KATNAL1: variants seen among roughly 807,000 people sequenced by gnomAD.
The protein encoded by KATNAL1 is katanin catalytic subunit A1 like 1, also known as katanin p60 ATPase-containing subunit A-like 1.
KATNAL1 carries 32 observed loss-of-function variants against 55.2 expected under a neutral mutation model. The observed-to-expected ratio is 0.58, with a 90% CI of 0.44 to 0.78. The LOEUF (loss-of-function observed/expected upper bound fraction) is 0.78. KATNAL1 is among the 30% of genes least tolerant of loss of function. KATNAL1 has a pLI of 0.00. For missense variants in KATNAL1, 466 were observed against 600.9 expected (o/e 0.78, Z 2.35); for synonymous variants, 193 against 193.6 (o/e 1.00, Z 0.02).
chr13:30,269,614 C>T, intron 3 of KATNAL1, among the ~76,000 whole-genome samples: 1 of 151,600 alleles, frequency 6.6e-6, no homozygotes, highest in Admixed American at 6.6e-5. Flanking sequence ...GCCATCCCAT[C>T]TAGGAAGTGA....
chr13:30,228,245 AC>A (rs1457100590), intron 8 of KATNAL1, among the ~76,000 whole-genome samples: 3 of 152,198 alleles, frequency 2.0e-5, no homozygotes, highest in Admixed American at 6.5e-5. Flanking sequence ...AGATAAAAAA[AC>A]CCCATAAACT....
intron 4 of KATNAL1, among the ~76,000 whole-genome samples, chr13:30,254,447 A>G (rs1201904758): frequency 1.3e-5 from 2 of 152,212 alleles, no homozygotes; most frequent in African/African-American, 4.8e-5. Context: ...GGGAGGTAGA[A>G]TATGTCTTTG....
Position 30,283,787 on chromosome 13 carries a change from G to C in KATNAL1, c.-10C>G, listed in dbSNP as rs1183965523. 3 of 1,601,702 alleles carry C rather than the reference G, an allele frequency of 1.9e-6. No individual in the cohort carries two copies. Among genetic ancestry groups the C allele is most frequent in the Middle Eastern group, 1.7e-4 (1 of 6,050 alleles). On this transcript the variant is annotated 5_prime_UTR_variant, in exon 2 of 11. Transcript: ENST00000380615. ...TCTCAGCCAAATTCATCTTCTTTCA[G>C]AGACCTAAACATAAAATATAATGAC...
At chr13:30,220,510 A>G (rs981338144) in intron 9 of KATNAL1, among the ~76,000 whole-genome samples, 5 of 152,132 alleles carry the variant, frequency 3.3e-5, no homozygotes, top group Non-Finnish European at 5.9e-5. Context: ...GAATGGGAAG[A>G]AACTTTTAAA....
At chr13:30,231,060 C>T (rs1876048124) in intron 7 of KATNAL1, among the ~76,000 whole-genome samples, 1 of 152,194 alleles carries the variant, frequency 6.6e-6, no homozygotes, top group Non-Finnish European at 1.5e-5. Flanking sequence ...ACATATACGA[C>T]CAAAGTCTCT....
At chr13:30,246,844 C>A (rs190702776) in intron 4 of KATNAL1, among the ~76,000 whole-genome samples, 1 of 151,726 alleles carries the variant, frequency 6.6e-6, no homozygotes, top group East Asian at 1.9e-4. Context: ...CAATGAGATA[C>A]CATCTCACAC....
intron 9 of KATNAL1, among the ~76,000 whole-genome samples, chr13:30,211,630 G>C (rs910158097): frequency 6.6e-6 from 1 of 152,018 alleles, no homozygotes; most frequent in Admixed American, 6.6e-5. Context: ...TCATGAAATT[G>C]ACAATTCTCC....
intron 4 of KATNAL1, among the ~76,000 whole-genome samples, chr13:30,250,956 G>C (rs753732593): frequency 1.1e-4 from 16 of 152,060 alleles, no homozygotes; most frequent in Non-Finnish European, 1.9e-4. Flanking sequence ...GGATAACACG[G>C]TGAAACCCCA....
At chr13:30,255,710 A>C (rs1339086688) in intron 3 of KATNAL1, 95 bp from the exon 4 acceptor site, 62 of 1,160,942 alleles carry the variant, frequency 5.3e-5, no homozygotes, top group Non-Finnish European at 6.6e-5. Context: ...AAATTGTTAA[A>C]TCAAAAAGCC....
chr13:30,256,051 T>C (rs1400400542), intron 3 of KATNAL1, among the ~76,000 whole-genome samples: 1 of 152,236 alleles, frequency 6.6e-6, no homozygotes, highest in African/African-American at 2.4e-5. Flanking sequence ...TTGTACAGTT[T>C]ACTAATTTCT....
chr13:30,203,274 T>TAATGGGAGGAGGGC lies in KATNAL1; in HGVS notation c.*5252_*5265dup, dbSNP rs1872841692. On this transcript the variant is annotated 3_prime_UTR_variant, in exon 11 of 11. Transcript: ENST00000380615. Reference sequence around the variant, plus strand: ...CAATTTCAAGATTAAAAAGAAAAGTTAATGGGAGGAGGGCAACAGCAGGAG... The same window carrying TAATGGGAGGAGGGC: ...CAATTTCAAGATTAAAAAGAAAAGTTAATGGGAGGAGGGCAATGGGAGGAGGGCAACAGCAGGAG... The TAATGGGAGGAGGGC allele has an allele frequency of 6.6e-6, 1 of 152,156 alleles. No individual in the cohort carries two copies. Among genetic ancestry groups the TAATGGGAGGAGGGC allele is most frequent in the Admixed American group, 6.5e-5 (1 of 15,280 alleles). 9.4% of individuals were successfully genotyped at this position (152,156 alleles called of 1,614,324 possible). A position where few individuals can be genotyped will look rare whatever the true frequency, so the allele number is the denominator to read the frequency against.
intron 6 of KATNAL1, among the ~76,000 whole-genome samples, chr13:30,234,764 A>G (rs995899372): frequency 3.3e-5 from 5 of 152,054 alleles, no homozygotes; most frequent in African/African-American, 1.2e-4. Context: ...TCCTTTCTCT[A>G]TTTCCAATAT....
intron 3 of KATNAL1, 48 bp from the exon 4 acceptor site, chr13:30,255,663 C>G (rs1878722075): frequency 7.5e-7 from 1 of 1,334,378 alleles, no homozygotes; most frequent in African/African-American, 1.5e-5. Context: ...TAAAATTAAT[C>G]AAAGGCAAAA....
At chr13:30,253,572 G>A (rs1006478687) in intron 4 of KATNAL1, among the ~76,000 whole-genome samples, 1 of 150,918 alleles carries the variant, frequency 6.6e-6, no homozygotes. Context: ...GGCTGAGGCA[G>A]GAGAATGACG....
chr13:30,303,715 A>T (rs912351471), intron 1 of KATNAL1, among the ~76,000 whole-genome samples: 2 of 152,260 alleles, frequency 1.3e-5, no homozygotes, highest in African/African-American at 4.8e-5. Flanking sequence ...TTGAGCTCTC[A>T]TATTATCTAG....
chr13:30,277,725 T>G (rs1455139760), intron 3 of KATNAL1, among the ~76,000 whole-genome samples: 1 of 152,142 alleles, frequency 6.6e-6, no homozygotes, highest in East Asian at 1.9e-4. Flanking sequence ...GGCTCACGCC[T>G]GTAATCCCAG....
chr13:30,234,803 A>C (rs1876487106), intron 6 of KATNAL1, among the ~76,000 whole-genome samples: 1 of 152,226 alleles, frequency 6.6e-6, no homozygotes. Context: ...ATAATAAAGA[A>C]TTTAGCTGGC....
intron 2 of KATNAL1, among the ~76,000 whole-genome samples, chr13:30,282,621 G>A (rs1881445359): frequency 1.3e-5 from 2 of 150,430 alleles, no homozygotes; most frequent in African/African-American, 4.9e-5. Flanking sequence ...CTGGGTGACA[G>A]AGCAAAACCC....
chr13:30,259,804 C>T (rs924871192), intron 3 of KATNAL1, among the ~76,000 whole-genome samples: 22 of 152,202 alleles, frequency 1.4e-4, no homozygotes, highest in African/African-American at 5.1e-4. Context: ...GGAGGGGCGC[C>T]CACCATTGCC....
Sources: allele counts gnomAD v4.1 joint callset (sites outside exome capture counted in the v4.1 genomes callset), GRCh38; gene constraint gnomAD v4.1.1; transcripts MANE v1.5; gene names NCBI Gene and HGNC (gene_info 2026-07-23, HGNC 2026-07-21).